PPP1R3F: variants seen among roughly 807,000 people sequenced by gnomAD.
PPP1R3F encodes protein phosphatase 1, regulatory (inhibitor) subunit 3F.
PPP1R3F carries 29 observed loss-of-function variants against 24.2 expected under a neutral mutation model. The ratio of observed to expected loss-of-function variants is 1.20; its 90% CI spans 0.89 to 1.63. PPP1R3F has a LOEUF of 1.63. PPP1R3F is among the 40% of genes most tolerant of loss of function. The pLI, the probability that PPP1R3F is intolerant of heterozygous loss-of-function variation, is 0.00. For synonymous variants in PPP1R3F, 363 were observed against 340.1 expected (o/e 1.07, Z -0.74); for missense variants, 823 against 729.3 (o/e 1.13, Z -1.48).
At chrX:49,276,810 A>G (rs2066216378) in intron 1 of PPP1R3F, among the ~76,000 whole-genome samples, 1 of 112,128 alleles carries the variant, frequency 8.9e-6, no homozygotes, top group Non-Finnish European at 1.9e-5. Context: ...GCAGTGCCCC[A>G]CATAACTTGG....
Position 49,269,931 on chromosome X carries a change from C to G in PPP1R3F, c.62C>G (p.Ala21Gly). The change falls in exon 1 of 4, where the codon GCG becomes GGG. Residue 21 changes from alanine (A) to glycine (G), a missense_variant. By Grantham distance (60) the Ala-to-Gly change is moderately conservative. Transcript: ENST00000055335. ...CATTCCGCGCCCCCCTCGCCGGCCGCGGGTGAGCCCCGCACCTCGGTCGAG... is the reference window on the plus strand; with the variant it reads ...CATTCCGCGCCCCCCTCGCCGGCCGGGGGTGAGCCCCGCACCTCGGTCGAG... ...LRHSAPPSPA[A>G]GEPRTSVEAA... 1.1e-6 allele frequency: 1 copy of G among 905,536 alleles called. No homozygotes were observed. The highest frequency in any genetic ancestry group is 1.4e-6 in the Non-Finnish European group (1 of 735,394). 74.6% of individuals were successfully genotyped at this position (905,536 alleles called of 1,213,427 possible). A position where few individuals can be genotyped will look rare whatever the true frequency, so the allele number is the denominator to read the frequency against.
At position 49,286,158 on chromosome X, in the gene PPP1R3F, C is replaced by A; in HGVS notation, c.1468C>A (p.Gln490Lys). The change falls in exon 4 of 4, where the codon CAG (glutamine) becomes AAG (lysine). Residue 490 changes from glutamine (Q) to lysine (K), a missense_variant. Coordinates refer to ENST00000055335, the MANE Select transcript of PPP1R3F (RefSeq NM_033215.5). ...GGACACCATCGACCAGGAGCTGGAG[C>A]AGCTCTACCTGTCTCACCTGAGCCG... ...GEDTIDQELEQLYLSHLSRLR... is the reference protein window; with the variant it reads ...GEDTIDQELEKLYLSHLSRLR... 1 of 1,185,889 alleles carries A rather than the reference C, an allele frequency of 8.4e-7. No homozygotes were observed. The highest frequency in any genetic ancestry group is 1.1e-6 in the Non-Finnish European group (1 of 880,774).
chrX:49,291,989 G>T (rs1263157278), downstream of PPP1R3F, among the ~76,000 whole-genome samples: 2 of 98,799 alleles, frequency 2.0e-5, no homozygotes, highest in South Asian at 5.3e-4. Context: ...AAAGCGTCTG[G>T]TCCCACGGTG....
At chrX:49,296,825 TTGAG>T (rs782540347) in intron 3 of PPP1R3F, among the ~76,000 whole-genome samples, 1 of 112,197 alleles carries the variant, frequency 8.9e-6, no homozygotes, top group Admixed American at 9.5e-5. Context: ...TTGTGTGGTT[TTGAG>T]TGAGTTTCTT....
chrX:49,270,109 C>T lies in PPP1R3F; in HGVS notation c.240C>T (p.Asp80=). The change falls in exon 1 of 4, where the codon GAC becomes GAT. Residue 80 remains aspartate (D), a synonymous_variant. Transcript: ENST00000055335. ...ATGGCGGCGGCGGCGGCGGGGCCGA[C>T]GAGGACGACGATGGCGAGGATGGGG... The part of the protein sequence containing the change: ...GQDGGGGGGA[D]EDDDGEDGDE... 2.0e-6 allele frequency: 2 copies of T among 1,023,788 alleles called. No homozygotes were observed. Among genetic ancestry groups the T allele is most frequent in the Non-Finnish European group, 2.5e-6 (2 of 806,897 alleles). The allele number at this position is 1,023,788 out of a possible 1,213,427, so 84.4% of individuals were successfully genotyped here. A position where few individuals can be genotyped will look rare whatever the true frequency, so the allele number is the denominator to read the frequency against.
chrX:49,288,852 G>A (rs966427601), downstream of PPP1R3F, among the ~76,000 whole-genome samples: 3 of 112,194 alleles, frequency 2.7e-5, no homozygotes, highest in Admixed American at 2.8e-4. Context: ...AGAATACAAT[G>A]AGGCAGGGCC....
rs1557118704 is a variant in PPP1R3F, at chrX:49,270,217, C to A, written c.348C>A (p.Val116=). Residue 116 remains valine, a synonymous_variant, in exon 1 of 4, where the codon GTC becomes GTA. Transcript: ENST00000055335. The part of the protein sequence containing the change: ...PVPAGGGFYL[V]PTFSLPPAPG... Reference sequence around the variant, plus strand: ...CCGCTGGCGGGGGGTTTTACCTGGTCCCCACATTTTCGCTGCCGCCCGCGC... The same window carrying A: ...CCGCTGGCGGGGGGTTTTACCTGGTACCCACATTTTCGCTGCCGCCCGCGC... 1 of 1,097,838 alleles carries A rather than the reference C, an allele frequency of 9.1e-7. No homozygotes were observed. Among genetic ancestry groups the A allele is most frequent in the East Asian group, 3.5e-5 (1 of 28,692 alleles). The allele number at this position is 1,097,838 out of a possible 1,213,427, so 90.5% of individuals were successfully genotyped here.
At chrX:49,276,976 T>C (rs1396206574) in intron 1 of PPP1R3F, among the ~76,000 whole-genome samples, 1 of 112,615 alleles carries the variant, frequency 8.9e-6, no homozygotes, top group Admixed American at 9.4e-5. Context: ...AGCCGGGGTC[T>C]GCTGAGTTTC....
Position 49,287,050 on chromosome X carries a change from T to C in PPP1R3F, c.2360T>C (p.Leu787Pro), listed in dbSNP as rs2066291605. ...GCTCTGAACAGCGGTGTGTCCCTCC[T>C]GGTGCTTGCGCTGTGCCTCTCTCTG... ...PVALNSGVSLLVLALCLSLAW... is the reference protein window; with the variant it reads ...PVALNSGVSLPVLALCLSLAW... Residue 787 changes from leucine to proline, a missense_variant, in exon 4 of 4, where the codon CTG becomes CCG. By Grantham distance (98) the Leu-to-Pro change is moderately conservative (BLOSUM62 -3). Coordinates refer to ENST00000055335, the MANE Select transcript of PPP1R3F (RefSeq NM_033215.5). 2 of 1,211,592 alleles carry C rather than the reference T, an allele frequency of 1.7e-6. No individual in the cohort carries two copies. Among genetic ancestry groups the C allele is most frequent in the African/African-American group, 3.4e-5 (2 of 57,995 alleles).
chrX:49,284,103 A>C (rs1034415506), intron 3 of PPP1R3F, among the ~76,000 whole-genome samples: 5 of 112,524 alleles, frequency 4.4e-5, no homozygotes, highest in African/African-American at 1.6e-4. Context: ...CATGAATTCT[A>C]AACATATTTG....
Position 49,270,775 on chromosome X carries a change from G to C in PPP1R3F, c.906G>C (p.Gln302His), listed in dbSNP as rs199787057. ...CTGATGCCGAAGGGCTGCCCCAGCA[G>C]CAGCAGCTGCCGCAGCTGGAGCCAC... ...TPTDAEGLPQ[Q>H]QQLPQLEPQP... Residue 302 changes from glutamine (Q) to histidine (H), a missense_variant, in exon 1 of 4, where the codon CAG becomes CAC. Physicochemically the swap from Gln to His is conservative, Grantham distance 24. Transcript: ENST00000055335. The C allele has an allele frequency of 2.5e-5, 30 of 1,194,909 alleles. No homozygotes were observed. Among genetic ancestry groups the C allele is most frequent in the Non-Finnish European group, 3.3e-5 (29 of 887,626 alleles).
At chrX:49,284,927 G>A (rs1443463931) in intron 3 of PPP1R3F, among the ~76,000 whole-genome samples, 1 of 111,511 alleles carries the variant, frequency 9.0e-6, no homozygotes, top group Non-Finnish European at 1.9e-5. Context: ...ATTGTTTCTA[G>A]GCCCTTTCAA....
rs1557121559 is a variant in PPP1R3F, at chrX:49,286,473, C to T, written c.1783C>T (p.Pro595Ser). ...ACCCTCCAGCCCAGAAGGGGACAGC[C>T]CCAAGGAATCGCCTCCAGAAATCCT... ...VTPSSPEGDS[P>S]KESPPEILSG... The change falls in exon 4 of 4, where the codon CCC (proline) becomes TCC (serine). Residue 595 changes from proline to serine, a missense_variant. Physicochemically the swap from Pro to Ser is moderately conservative, Grantham distance 74. Transcript: ENST00000055335. 1.7e-6 allele frequency: 2 copies of T among 1,204,679 alleles called. No homozygotes were observed. Among genetic ancestry groups the T allele is most frequent in the Non-Finnish European group, 2.2e-6 (2 of 891,103 alleles).
Position 49,270,001 on chromosome X carries a change from G to C in PPP1R3F, c.132G>C (p.Leu44Phe). The C allele has an allele frequency of 2.2e-6, 2 of 923,297 alleles. No individual in the cohort carries two copies. Among genetic ancestry groups the C allele is most frequent in the Non-Finnish European group, 2.7e-6 (2 of 747,372 alleles). The allele number at this position is 923,297 out of a possible 1,213,427, so 76.1% of individuals were successfully genotyped here. ...PRRVLFADEA[L>F]GLPLAQLRRY... The stretch of plus-strand genomic sequence containing the variant: ...GGGTGCTGTTCGCCGACGAGGCCTT[G>C]GGGCTGCCGCTGGCGCAGTTGCGCC... Residue 44 changes from leucine to phenylalanine, a missense_variant, in exon 1 of 4, where the codon TTG (leucine) becomes TTC (phenylalanine). Physicochemically the swap from Leu to Phe is conservative, Grantham distance 22. Coordinates refer to ENST00000055335, the MANE Select transcript of PPP1R3F (RefSeq NM_033215.5).
At chrX:49,292,364 C>T (rs1410659732), downstream of PPP1R3F, among the ~76,000 whole-genome samples, 1 of 112,918 alleles carries the variant, frequency 8.9e-6, no homozygotes, top group African/African-American at 3.2e-5. Context: ...CTTTATCTCA[C>T]TTAAAGGGTC....
intron 3 of PPP1R3F, among the ~76,000 whole-genome samples, chrX:49,293,639 T>A: frequency 8.9e-6 from 1 of 112,161 alleles, no homozygotes; most frequent in East Asian, 2.8e-4. Context: ...CATATATGGC[T>A]CAAAACCAAA....
chrX:49,279,814 C>T (rs2066236306), intron 1 of PPP1R3F, among the ~76,000 whole-genome samples: 1 of 112,160 alleles, frequency 8.9e-6, no homozygotes, highest in Non-Finnish European at 1.9e-5. Flanking sequence ...TTACCTTAAT[C>T]TGTAGACACT....
chrX:49,272,953 C>T (rs2066190062), intron 1 of PPP1R3F: 2 of 108,823 alleles, frequency 1.8e-5, no homozygotes, highest in Non-Finnish European at 3.8e-5. Flanking sequence ...TAAACTGGTC[C>T]TCTAGAAAGC....
Position 49,281,476 on chromosome X carries a change from A to G in PPP1R3F, c.1060+15A>G. Reference sequence around the variant, plus strand: ...CTTTGCCATGGGTAAGCAATTGGCAAGCTTCGGAAGTTTTAGCTTGTATTT... The same window carrying G: ...CTTTGCCATGGGTAAGCAATTGGCAGGCTTCGGAAGTTTTAGCTTGTATTT... On this transcript the variant is annotated intron_variant, in intron 2 of 3. Transcript: ENST00000055335. 8.5e-7 allele frequency: 1 copy of G among 1,174,533 alleles called. No individual in the cohort carries two copies. Among genetic ancestry groups the G allele is most frequent in the Middle Eastern group, 2.4e-4 (1 of 4,236 alleles).
Sources: allele counts gnomAD v4.1 joint callset (sites outside exome capture counted in the v4.1 genomes callset), GRCh38; gene constraint gnomAD v4.1.1; transcripts MANE v1.5; gene names NCBI Gene and HGNC (gene_info 2026-07-23, HGNC 2026-07-21).